NRXN1: variants seen among roughly 807,000 people sequenced by gnomAD.
The protein encoded by NRXN1 is neurexin-1.
Under a neutral mutation model 150.9 loss-of-function variants are expected in NRXN1, and 39 were observed. The ratio of observed to expected loss-of-function variants is 0.26; its 90% confidence interval spans 0.20 to 0.34. The LOEUF is 0.34. Ranked by LOEUF, NRXN1 falls within the 10% of genes least tolerant of loss-of-function variation. The pLI, the probability that NRXN1 is intolerant of heterozygous loss-of-function variation, is 1.00. For synonymous variants in NRXN1, 924 were observed against 757.0 expected (o/e 1.22, Z -3.62); for missense variants, 1,815 against 1,949.9 (o/e 0.93, Z 1.30).
intron 18 of NRXN1, among the ~76,000 whole-genome samples, chr2:50,146,715 T>A (rs1285740334): frequency 6.6e-6 from 1 of 151,686 alleles, no homozygotes; most frequent in African/African-American, 2.4e-5. Context: ...TATGTTAGGC[T>A]AAACATCAAT....
intron 17 of NRXN1, among the ~76,000 whole-genome samples, chr2:50,250,020 C>T (rs1329162606): frequency 6.6e-6 from 1 of 152,256 alleles, no homozygotes; most frequent in South Asian, 2.1e-4. Context: ...AATAACTTTT[C>T]TAATAAATAC....
At chr2:50,412,829 T>C (rs2083285637) in intron 17 of NRXN1, among the ~76,000 whole-genome samples, 1 of 152,148 alleles carries the variant, frequency 6.6e-6, no homozygotes, top group African/African-American at 2.4e-5. Context: ...AAACATATCC[T>C]GGGGAAAAGA....
chr2:50,451,666 C>T (rs1269535198), intron 17 of NRXN1, among the ~76,000 whole-genome samples: 3 of 152,176 alleles, frequency 2.0e-5, no homozygotes, highest in Admixed American at 2.0e-4. Flanking sequence ...CTCTTCTCAA[C>T]TTAGCTATTT....
rs533227586 is a variant in NRXN1, at chr2:50,470,094, T to A, written c.3244+2204A>T. On this transcript the variant is annotated intron_variant, in intron 16 of 22. Transcript: ENST00000401669. ...ATCTGCCTGCTCTCACCATTTCTTG[T>A]AGGTGAGAAGTCACATACCAAACAA... Among the ~76,000 whole-genome samples, 4 of 151,790 alleles carry A rather than the reference T, an allele frequency of 2.6e-5. No homozygotes were observed. The South Asian group carries it at 8.3e-4, about 31-fold the overall frequency.
At chr2:50,319,970 C>T (rs1575070719) in intron 17 of NRXN1, among the ~76,000 whole-genome samples, 1 of 151,764 alleles carries the variant, frequency 6.6e-6, no homozygotes, top group South Asian at 2.1e-4. Context: ...TCCTTTTTTA[C>T]CCAGAGGGTA....
chr2:50,182,508 C>T (rs1216742071), intron 18 of NRXN1, among the ~76,000 whole-genome samples: 1 of 152,006 alleles, frequency 6.6e-6, no homozygotes, highest in Non-Finnish European at 1.5e-5. Context: ...TTTGGATTCT[C>T]TGTTAAGTTA....
intron 19 of NRXN1, among the ~76,000 whole-genome samples, chr2:50,059,632 C>T (rs1010921731): frequency 6.6e-6 from 1 of 152,220 alleles, no homozygotes; most frequent in Non-Finnish European, 1.5e-5. Flanking sequence ...CTTCCTATCA[C>T]AAGCCAGGAG....
At chr2:50,639,452 C>T (rs535110095) in intron 5 of NRXN1, among the ~76,000 whole-genome samples, 1 of 151,992 alleles carries the variant, frequency 6.6e-6, no homozygotes, top group Non-Finnish European at 1.5e-5. Context: ...AATGCCTGAC[C>T]TCAAGTGATC....
intron 17 of NRXN1, among the ~76,000 whole-genome samples, chr2:50,307,178 T>C (rs1034474625): frequency 1.3e-5 from 2 of 151,842 alleles, no homozygotes; most frequent in Non-Finnish European, 2.9e-5. Flanking sequence ...AGAGACGGAG[T>C]TTTACATTTT....
At chr2:50,947,968 C>T (rs1020384394) in intron 2 of NRXN1, among the ~76,000 whole-genome samples, 1 of 151,878 alleles carries the variant, frequency 6.6e-6, no homozygotes, top group African/African-American at 2.4e-5. Context: ...TATTCCATTG[C>T]CATTTATGAA....
At chr2:51,019,029 TAA>T (rs1240950023) in intron 2 of NRXN1, among the ~76,000 whole-genome samples, 21 of 152,222 alleles carry the variant, frequency 1.4e-4, no homozygotes, top group African/African-American at 5.1e-4. Flanking sequence ...GCACTAAATG[TAA>T]GAGTCTGCCA....
intron 21 of NRXN1, among the ~76,000 whole-genome samples, chr2:49,980,163 T>G (rs533847623): frequency 6.6e-6 from 1 of 152,178 alleles, no homozygotes; most frequent in Non-Finnish European, 1.5e-5. Flanking sequence ...GAATGTTCTC[T>G]CCAAATCAGA....
intron 8 of NRXN1, among the ~76,000 whole-genome samples, chr2:50,562,239 G>A (rs1669196218): frequency 6.6e-6 from 1 of 151,912 alleles, no homozygotes; most frequent in Non-Finnish European, 1.5e-5. Context: ...TTTCTAAGGA[G>A]GCAGACATTA....
At chr2:50,912,683 G>C (rs573455980) in intron 5 of NRXN1, among the ~76,000 whole-genome samples, 2 of 150,968 alleles carry the variant, frequency 1.3e-5, no homozygotes, top group African/African-American at 4.9e-5. Flanking sequence ...TTCTGACAGG[G>C]AAGTGAGCTA....
chr2:50,317,644 T>C (rs2152970398), intron 17 of NRXN1, among the ~76,000 whole-genome samples: 1 of 151,206 alleles, frequency 6.6e-6, no homozygotes, highest in South Asian at 2.1e-4. Context: ...CAAAGGAAAA[T>C]AATCACAGAA....
At chr2:50,714,833 C>G (rs1695657224) in intron 5 of NRXN1, among the ~76,000 whole-genome samples, 1 of 152,122 alleles carries the variant, frequency 6.6e-6, no homozygotes, top group Non-Finnish European at 1.5e-5. Flanking sequence ...ATGGGCAGAT[C>G]ATTCTGTTTG....
At chr2:49,925,349 A>G (rs1668924912) in intron 22 of NRXN1, among the ~76,000 whole-genome samples, 1 of 152,036 alleles carries the variant, frequency 6.6e-6, no homozygotes, top group South Asian at 2.1e-4. Context: ...CAGATATGCA[A>G]TAACAGGCCA....
intron 22 of NRXN1, among the ~76,000 whole-genome samples, chr2:49,924,384 A>G (rs1668729108): frequency 1.3e-5 from 2 of 152,208 alleles, no homozygotes; most frequent in African/African-American, 2.4e-5. Context: ...GAGGGTTTAT[A>G]TTTTGTATAC....
chr2:50,069,960 C>T (rs1250187590), intron 19 of NRXN1, among the ~76,000 whole-genome samples: 1 of 151,022 alleles, frequency 6.6e-6, no homozygotes. Context: ...ATGCCATTCT[C>T]CTGCCTCAGC....
Sources: gnomAD v4.1 joint callset for allele counts (sites outside exome capture counted in the v4.1 genomes callset) on GRCh38, gnomAD v4.1.1 for gene constraint, MANE v1.5 for transcripts, NCBI Gene and HGNC (gene_info 2026-07-23, HGNC 2026-07-21) for gene names.